SPOCK3: variants seen among roughly 807,000 people sequenced by gnomAD.
SPOCK3 encodes the protein SPARC (osteonectin), cwcv and kazal like domains proteoglycan 3, also known as testican-3.
A neutral mutation model predicts 56.6 loss-of-function variants in SPOCK3; 30 were observed. The ratio of observed to expected loss-of-function variants is 0.53; its 90% CI spans 0.40 to 0.72. SPOCK3 has a LOEUF of 0.72. Among genes scored for constraint, SPOCK3 ranks in the 30% least tolerant of loss-of-function variants. The pLI, the probability that SPOCK3 is intolerant of heterozygous loss-of-function variation, is 0.00. For missense variants in SPOCK3, 527 were observed against 530.0 expected, an observed-to-expected ratio of 0.99 and a Z score of 0.06; for synonymous variants, 196 against 183.3, an observed-to-expected ratio of 1.07 and a Z score of -0.56.
rs1423965892 is a variant in SPOCK3, at chr4:166,761,625, C to G, written c.710-6896G>C. ...ATGGATGAAATTGGAAACCATCATT[C>G]TCAGTAAACTATCGCAAGAACAAAA... On this transcript the variant is annotated intron_variant, in intron 7 of 10. Coordinates refer to ENST00000357545, the MANE Select transcript of SPOCK3 (RefSeq NM_001040159.2). 1.1e-3 allele frequency among the ~76,000 whole-genome samples: 2 copies of G among 1,872 alleles called. 1 individual carries two copies. The highest frequency in any genetic ancestry group is 4.1e-3 in the African/African-American group (2 of 482). The allele number at this position is 1,872 out of a possible 152,430, so 1.2% of individuals were successfully genotyped here.
intron 4 of SPOCK3, among the ~76,000 whole-genome samples, chr4:166,977,171 T>A (rs1299172430): frequency 1.3e-5 from 2 of 152,084 alleles, no homozygotes; most frequent in Non-Finnish European, 2.9e-5. Flanking sequence ...ACTCAAAATA[T>A]ATCTTCTATT....
intron 6 of SPOCK3, among the ~76,000 whole-genome samples, chr4:166,873,782 A>G (rs13103887): frequency 0.61 from 92,614 of 151,912 alleles, 28,785 homozygotes; most frequent in East Asian, 0.76. Flanking sequence ...TAGGCACTGT[A>G]GATGCTAAGA....
chr4:167,042,649 T>C (rs2150203648), intron 3 of SPOCK3, among the ~76,000 whole-genome samples: 1 of 152,264 alleles, frequency 6.6e-6, no homozygotes, highest in Non-Finnish European at 1.5e-5. Context: ...TTTAGGACAG[T>C]TTTATACTTA....
chr4:167,194,342 A>T (rs1263419493), intron 2 of SPOCK3, among the ~76,000 whole-genome samples: 2 of 115,628 alleles, frequency 1.7e-5, no homozygotes, highest in Non-Finnish European at 1.8e-5. Context: ...AGTTGCCTAC[A>T]TGCATTCTCT....
chr4:166,936,579 C>T (rs116488851), intron 4 of SPOCK3, among the ~76,000 whole-genome samples: 1,527 of 151,908 alleles, frequency 0.01, 27 homozygotes, highest in African/African-American at 0.035. Context: ...ACAGCTTTTC[C>T]CATATTTGAT....
At chr4:167,089,988 C>T (rs964370011) in intron 2 of SPOCK3, among the ~76,000 whole-genome samples, 1 of 151,984 alleles carries the variant, frequency 6.6e-6, no homozygotes, top group African/African-American at 2.4e-5. Context: ...AGTAATATTC[C>T]ATTGTCTGTA....
rs987420291 is a variant in SPOCK3 at position 167,137,577 on chromosome 4, T to C, written c.190-75040A>G. ...ATACAATTTTAATTTATCTCAGTTA[T>C]CAACTTTACAACACTTTAGCCTGAC... On this transcript the variant is annotated intron_variant, in intron 2 of 10. Transcript: ENST00000357545. Among the ~76,000 whole-genome samples the C allele has an allele frequency of 2.0e-5, 3 of 152,096 alleles. No individual in the cohort carries two copies. In the South Asian group the frequency reaches 6.2e-4, roughly 32 times the overall value.
chr4:167,026,837 T>C (rs1157708174), intron 3 of SPOCK3, among the ~76,000 whole-genome samples: 8 of 146,826 alleles, frequency 5.4e-5, no homozygotes, highest in South Asian at 2.1e-4. Flanking sequence ...TTTTTTTTTT[T>C]CTCAAGCGTC....
At chr4:166,870,265 C>A (rs892833128) in intron 6 of SPOCK3, among the ~76,000 whole-genome samples, 4 of 151,932 alleles carry the variant, frequency 2.6e-5, no homozygotes, top group Admixed American at 2.6e-4. Flanking sequence ...TTGATAGTGG[C>A]ACTATTATAG....
At chr4:167,155,927 G>A (rs1433974554) in intron 2 of SPOCK3, among the ~76,000 whole-genome samples, 1 of 151,994 alleles carries the variant, frequency 6.6e-6, no homozygotes, top group African/African-American at 2.4e-5. Context: ...CCATGCATAT[G>A]TATACCTTCG....
chr4:166,741,591 A>C (rs1268614660), intron 9 of SPOCK3, among the ~76,000 whole-genome samples: 1 of 152,162 alleles, frequency 6.6e-6, no homozygotes, highest in Non-Finnish European at 1.5e-5. Context: ...AAGTCTATTC[A>C]AATTTCCCTG....
At chr4:166,928,597 T>G (rs956664688) in intron 4 of SPOCK3, among the ~76,000 whole-genome samples, 1 of 152,150 alleles carries the variant, frequency 6.6e-6, no homozygotes, top group African/African-American at 2.4e-5. Context: ...TGTATGATAG[T>G]ATAATGGTAG....
intron 6 of SPOCK3, among the ~76,000 whole-genome samples, chr4:166,862,805 T>C (rs935731250): frequency 6.6e-6 from 1 of 152,218 alleles, no homozygotes; most frequent in Non-Finnish European, 1.5e-5. Context: ...AACTTTTATG[T>C]TTACTCATTG....
At chr4:166,819,847 G>A (rs1744744130) in intron 6 of SPOCK3, among the ~76,000 whole-genome samples, 1 of 151,722 alleles carries the variant, frequency 6.6e-6, no homozygotes, top group African/African-American at 2.4e-5. Flanking sequence ...AGCTTTCCAA[G>A]TAGATGGGAC....
chr4:166,742,048 G>T lies in SPOCK3; in HGVS notation c.943C>A (p.Gln315Lys). 6.2e-7 allele frequency: 1 copy of T among 1,612,160 alleles called. No individual in the cohort carries two copies. ...TTCTGAATATTGCTGAGCTCAGTCT[G>T]GCAAGGTGGGTCTGCAATGACATTA... ...CFQRQQDPPC[Q>K]TELSNIQKRQ... is the part of the protein sequence containing the mutation. Residue 315 changes from glutamine (Q) to lysine (K), a missense_variant, in exon 9 of 11, where the codon CAG becomes AAG. Physicochemically the swap from Gln to Lys is moderately conservative, Grantham distance 53. Transcript: ENST00000357545.
chr4:166,840,325 C>T (rs182911985), intron 6 of SPOCK3, among the ~76,000 whole-genome samples: 1 of 152,268 alleles, frequency 6.6e-6, no homozygotes, highest in Admixed American at 6.5e-5. Flanking sequence ...GTACAGGTTC[C>T]CCATTCAGCC....
intron 3 of SPOCK3, among the ~76,000 whole-genome samples, chr4:167,060,267 A>G (rs1755441428): frequency 6.6e-6 from 1 of 151,666 alleles, no homozygotes; most frequent in Non-Finnish European, 1.5e-5. Flanking sequence ...GGAGGTCATT[A>G]TGTTAAGTAA....
chr4:167,135,613 C>A (rs990337608), intron 2 of SPOCK3, among the ~76,000 whole-genome samples: 9 of 151,510 alleles, frequency 5.9e-5, no homozygotes, highest in Non-Finnish European at 8.8e-5. Flanking sequence ...GATCAAAAAC[C>A]CAGAACATAT....
chr4:167,148,441 G>A (rs1217165478), intron 2 of SPOCK3, among the ~76,000 whole-genome samples: 1 of 152,088 alleles, frequency 6.6e-6, no homozygotes. Context: ...ATGAGGCATA[G>A]TGGCTTAAGT....
Sources: allele counts gnomAD v4.1 joint callset (sites outside exome capture counted in the v4.1 genomes callset), GRCh38; gene constraint gnomAD v4.1.1; transcripts MANE v1.5; gene names NCBI Gene and HGNC (gene_info 2026-07-23, HGNC 2026-07-21).